Variants in NEFM observed in about 807,000 individuals in gnomAD.
The protein encoded by NEFM is neurofilament medium polypeptide.
A neutral mutation model predicts 48.1 loss-of-function variants in NEFM; 16 were observed. The observed-to-expected ratio is 0.33, with a 90% confidence interval of 0.23 to 0.51. NEFM has a LOEUF of 0.51. NEFM is among the 20% of genes least tolerant of loss of function. The probability of loss-of-function intolerance (pLI) is 0.98; values close to 1 mark genes in which losing one functional copy is unlikely to be tolerated. For missense variants in NEFM, 1,107 were observed against 1,136.0 expected, an observed-to-expected ratio of 0.97 and a Z score of 0.37; for synonymous variants, 465 against 456.9, an observed-to-expected ratio of 1.02 and a Z score of -0.23.
In NEFM at chr8:24,918,283, G is replaced by C; in HGVS notation, c.2428G>C (p.Glu810Gln). The C allele has an allele frequency of 1.2e-6, 2 of 1,607,148 alleles. No homozygotes were observed. Among genetic ancestry groups the C allele is most frequent in the East Asian group, 2.2e-5 (1 of 44,702 alleles). The change falls in exon 3 of 3, where the codon GAG (glutamate) becomes CAG (glutamine). Residue 810 changes from glutamate to glutamine, a missense_variant. Around this residue, in one of 3 missense-constraint regions of NEFM, gnomAD observed 917 missense variants for 916.4 expected, o/e 1.00. Transcript: ENST00000221166. ...TGTCAATGGGGAGGTAGAAGGAAAA[G>C]AGGAGGTAGAGCAGGAGACCAAGGA... Reference protein sequence around the residue: ...IAVNGEVEGKEEVEQETKEKG... With the variant: ...IAVNGEVEGKQEVEQETKEKG...
chr8:24,913,878 G>C lies in NEFM; in HGVS notation c.85G>C (p.Gly29Arg). Reference sequence around the variant, plus strand: ...CCGCTCGAGCTTCAGCCGCGTCAGCGGCTCCCCGTCCAGTGGCTTCCGCTC... The same window carrying C: ...CCGCTCGAGCTTCAGCCGCGTCAGCCGCTCCCCGTCCAGTGGCTTCCGCTC... ...ETRSSFSRVSGSPSSGFRSQS... is the reference protein window; with the variant it reads ...ETRSSFSRVSRSPSSGFRSQS... Residue 29 changes from glycine (G) to arginine (R), a missense_variant, in exon 1 of 3, where the codon GGC becomes CGC. Physicochemically the swap from Gly to Arg is moderately radical, Grantham distance 125 (BLOSUM62 -2). This residue lies in a region of NEFM where 186 missense variants were observed against 200.6 expected (regional missense o/e 0.93). Coordinates refer to ENST00000221166, the MANE Select transcript of NEFM (RefSeq NM_005382.2). The C allele has an allele frequency of 1.9e-6, 3 of 1,610,592 alleles. No individual in the cohort carries two copies. The highest frequency in any genetic ancestry group is 1.7e-6 in the Non-Finnish European group (2 of 1,179,070).
At position 24,915,787 on chromosome 8, in the gene NEFM, G is replaced by A. The variant is rs149916684; in HGVS notation, c.1205+58G>A. 46 of 1,612,150 alleles carry A rather than the reference G, an allele frequency of 2.9e-5. No homozygotes were observed. In the East Asian group the frequency reaches 7.1e-4, roughly 25 times the overall value. On this transcript the variant is annotated intron_variant, in intron 2 of 2. Transcript: ENST00000221166. The stretch of plus-strand genomic sequence containing the variant: ...CTAACCGCAGTGCAGAGGCTGTTCC[G>A]GCAGAGCTTCCACCACTTAAGTTAA...
At chr8:24,915,388 G>T in intron 1 of NEFM, 1 of 1,061,930 alleles carries the variant, frequency 9.4e-7, no homozygotes, top group Non-Finnish European at 1.3e-6. Context: ...CCCAGGAAGT[G>T]TCCTATTGTC....
chr8:24,918,685 G>A lies in NEFM; in HGVS notation c.*79G>A. 2.9e-6 allele frequency: 3 copies of A among 1,026,004 alleles called. No individual in the cohort carries two copies. In the South Asian group the frequency reaches 3.8e-5, roughly 13 times the overall value. 63.6% of individuals were successfully genotyped at this position (1,026,004 alleles called of 1,614,324 possible). The stretch of plus-strand genomic sequence containing the variant: ...GATTGGCAGCTTCAAAACAGAACGG[G>A]TTCTCCCATGGGGGCTCCAGACATT... On this transcript the variant is annotated 3_prime_UTR_variant, in exon 3 of 3. Transcript: ENST00000221166.
At position 24,914,682 on chromosome 8, in the gene NEFM, G is replaced by C; in HGVS notation, c.889G>C (p.Ala297Pro). ...CGAAGAGTGGTTCAAATGCCGCTAC[G>C]CCAAGCTCACCGAGGCGGCCGAGCA... ...QAEEWFKCRYAKLTEAAEQNK... is the reference protein window; with the variant it reads ...QAEEWFKCRYPKLTEAAEQNK... Residue 297 changes from alanine (A) to proline (P), a missense_variant, in exon 1 of 3, where the codon GCC (alanine) becomes CCC (proline). By Grantham distance (27) the Ala-to-Pro change is conservative. Transcript: ENST00000221166. 6.2e-7 allele frequency: 1 copy of C among 1,614,168 alleles called. No homozygotes were observed. The highest frequency in any genetic ancestry group is 1.1e-5 in the South Asian group (1 of 91,090).
chr8:24,917,341 G>C lies in NEFM; in HGVS notation c.1486G>C (p.Glu496Gln). ...EEKKEAAEEK[E>Q]EEPEAEEEEV... ...GAAGAAAGAAGCAGCAGAAGAAAAG[G>C]AAGAGGAACCCGAAGCTGAAGAAGA... Residue 496 changes from glutamate (E) to glutamine (Q), a missense_variant, in exon 3 of 3, where the codon GAA (glutamate) becomes CAA (glutamine). Transcript: ENST00000221166. The C allele has an allele frequency of 6.2e-7, 1 of 1,611,486 alleles. No homozygotes were observed.
At chr8:24,914,990 G>A (rs1052468180) in intron 1 of NEFM, 117 bp downstream of exon 1, 10 of 1,417,126 alleles carry the variant, frequency 7.1e-6, no homozygotes, top group Non-Finnish European at 8.2e-6. Flanking sequence ...GCTCGCTAGA[G>A]CACGCGCGCC....
chr8:24,917,956 C>T lies in NEFM; in HGVS notation c.2101C>T (p.Gln701Ter). The T allele has an allele frequency of 1.2e-6, 2 of 1,613,474 alleles. No homozygotes were observed. Among genetic ancestry groups the T allele is most frequent in the South Asian group, 2.2e-5 (2 of 91,012 alleles). ...KSKAEVGKGE[Q>*]KEEEEKEVKE... ...AAAAGCAGAAGTGGGGAAAGGTGAACAGAAAGAGGAAGAAGAAAAGGAAGT... is the reference window on the plus strand; with the variant it reads ...AAAAGCAGAAGTGGGGAAAGGTGAATAGAAAGAGGAAGAAGAAAAGGAAGT... Residue 701 changes from glutamine (Q) to a stop codon, truncating the protein, a stop_gained, in exon 3 of 3, where the codon CAG becomes TAG. Coordinates refer to ENST00000221166, the MANE Select transcript of NEFM (RefSeq NM_005382.2). LOFTEE classifies it low-confidence loss of function (END_TRUNC).
rs761736935 is a variant in NEFM at position 24,914,408 on chromosome 8, G to T, written c.615G>T (p.Ala205=). The T allele has an allele frequency of 6.2e-7, 1 of 1,613,572 alleles. No individual in the cohort carries two copies. Among genetic ancestry groups the T allele is most frequent in the Non-Finnish European group, 8.5e-7 (1 of 1,179,998 alleles). Residue 205 remains alanine (A), a synonymous_variant, in exon 1 of 3, where the codon GCG becomes GCT. Coordinates refer to ENST00000221166, the MANE Select transcript of NEFM (RefSeq NM_005382.2). ...LRDDTEAAIR[A]LRKDIEEASL... ...ACGACACTGAGGCGGCCATCCGCGC[G>T]CTGCGCAAAGACATCGAGGAGGCGT...
Position 24,918,971 on chromosome 8 carries a change from G to A in NEFM, c.*365G>A, listed in dbSNP as rs2117226575. On this transcript the variant is annotated 3_prime_UTR_variant, in exon 3 of 3. Coordinates refer to ENST00000221166, the MANE Select transcript of NEFM (RefSeq NM_005382.2). ...GAATAATTATGTTTACCTCACTGGTGCATTTAAAATGGACTTTTGTTCATG... is the reference window on the plus strand; with the variant it reads ...GAATAATTATGTTTACCTCACTGGTACATTTAAAATGGACTTTTGTTCATG... The A allele has an allele frequency of 7.3e-6, 2 of 275,638 alleles. No homozygotes were observed. Among genetic ancestry groups the A allele is most frequent in the South Asian group, 9.1e-5 (2 of 22,036 alleles). The allele number at this position is 275,638 out of a possible 1,614,324, so 17.1% of individuals were successfully genotyped here.
In NEFM at chr8:24,914,055, T is replaced by C. The variant is rs1802534504; in HGVS notation, c.262T>C (p.Ser88Pro). Residue 88 changes from serine to proline, a missense_variant, in exon 1 of 3, where the codon TCC (serine) becomes CCC (proline). Ser to Pro is a moderately conservative substitution (Grantham distance 74). This residue lies in a region of NEFM where 186 missense variants were observed against 200.6 expected (regional missense o/e 0.93). Transcript: ENST00000221166. The part of the protein sequence containing the change: ...SQSSSLLNGG[S>P]GPGGDYKLSR... ...GTCCTCGTCCCTGCTCAACGGCGGC[T>C]CCGGACCCGGCGGCGACTACAAGCT... is the stretch of plus-strand genomic sequence containing the variant. 6.2e-7 allele frequency: 1 copy of C among 1,612,662 alleles called. No individual in the cohort carries two copies. The highest frequency in any genetic ancestry group is 1.3e-5 in the African/African-American group (1 of 74,930).
At chr8:24,916,967 C>G in intron 2 of NEFM, 94 bp from the exon 3 acceptor site, 1 of 998,520 alleles carries the variant, frequency 1.0e-6, no homozygotes, top group Non-Finnish European at 1.6e-6. Context: ...TCTATTTATT[C>G]AAAGGTAGCT....
At position 24,914,428 on chromosome 8, in the gene NEFM, A is replaced by C; in HGVS notation, c.635A>C (p.Glu212Ala). The change falls in exon 1 of 3, where the codon GAG becomes GCG. Residue 212 changes from glutamate to alanine, a missense_variant. Coordinates refer to ENST00000221166, the MANE Select transcript of NEFM (RefSeq NM_005382.2). The part of the protein sequence containing the change: ...AIRALRKDIE[E>A]ASLVKVELDK... ...CGCGCGCTGCGCAAAGACATCGAGG[A>C]GGCGTCGCTGGTCAAGGTGGAGCTG... The C allele has an allele frequency of 1.2e-6, 2 of 1,613,712 alleles. No individual in the cohort carries two copies. The highest frequency in any genetic ancestry group is 1.7e-6 in the Non-Finnish European group (2 of 1,180,016).
chr8:24,914,765 G>C lies in NEFM; in HGVS notation c.972G>C (p.Leu324=). The change falls in exon 1 of 3, where the codon CTG becomes CTC. Residue 324 remains leucine (L), a synonymous_variant. Coordinates refer to ENST00000221166, the MANE Select transcript of NEFM (RefSeq NM_005382.2). ...AGATCGCCGAGTACCGGCGCCAGCT[G>C]CAGTCCAAGAGCATCGAGCTAGAGT... ...KEEIAEYRRQ[L]QSKSIELESV... 1 of 1,612,018 alleles carries C rather than the reference G, an allele frequency of 6.2e-7. No individual in the cohort carries two copies. The highest frequency in any genetic ancestry group is 8.5e-7 in the Non-Finnish European group (1 of 1,179,256).
At position 24,918,851 on chromosome 8, in the gene NEFM, T is replaced by A; in HGVS notation, c.*245T>A. 4.1e-6 allele frequency: 2 copies of A among 484,106 alleles called. No homozygotes were observed. Among genetic ancestry groups the A allele is most frequent in the Non-Finnish European group, 3.8e-6 (1 of 266,268 alleles). The allele number at this position is 484,106 out of a possible 1,614,324, so 30.0% of individuals were successfully genotyped here. On this transcript the variant is annotated 3_prime_UTR_variant, in exon 3 of 3. Transcript: ENST00000221166. ...CCTAAGCTGTTGGAAGGGGGTCACTTAAGGGGGGATGTCTTGAGATGTATT... is the reference window on the plus strand; with the variant it reads ...CCTAAGCTGTTGGAAGGGGGTCACTAAAGGGGGGATGTCTTGAGATGTATT...
At position 24,917,546 on chromosome 8, in the gene NEFM, G is replaced by C; in HGVS notation, c.1691G>C (p.Gly564Ala). 1 of 1,564,614 alleles carries C rather than the reference G, an allele frequency of 6.4e-7. No individual in the cohort carries two copies. Among genetic ancestry groups the C allele is most frequent in the Non-Finnish European group, 8.7e-7 (1 of 1,154,194 alleles). Residue 564 changes from glycine (G) to alanine (A), a missense_variant, in exon 3 of 3, where the codon GGT becomes GCT. Transcript: ENST00000221166. ...GAAGGCTCTAGTGAAAAAGAGGAAG[G>C]TGAGCAGGAAGAAGGAGAAACAGAA... is the stretch of plus-strand genomic sequence containing the variant. ...EKEGSSEKEE[G>A]EQEEGETEAE...
At position 24,913,776 on chromosome 8, in the gene NEFM, C is replaced by A. The variant is rs1563241599; in HGVS notation, c.-18C>A. The stretch of plus-strand genomic sequence containing the variant: ...CCGGCAGAACGCTGTGACAGCCACA[C>A]GCCCCAAGGCCTCCAAGATGAGCTA... On this transcript the variant is annotated 5_prime_UTR_variant, in exon 1 of 3. Coordinates refer to ENST00000221166, the MANE Select transcript of NEFM (RefSeq NM_005382.2). 8 of 1,598,790 alleles carry A rather than the reference C, an allele frequency of 5.0e-6. No homozygotes were observed. The highest frequency in any genetic ancestry group is 6.0e-6 in the Non-Finnish European group (7 of 1,173,604).
Position 24,918,513 on chromosome 8 carries a change from T to C in NEFM, c.2658T>C (p.His886=). The C allele has an allele frequency of 3.1e-6, 5 of 1,613,988 alleles. No individual in the cohort carries two copies. Among genetic ancestry groups the C allele is most frequent in the Non-Finnish European group, 4.2e-6 (5 of 1,179,992 alleles). Residue 886 remains histidine, a synonymous_variant, in exon 3 of 3, where the codon CAT becomes CAC. Transcript: ENST00000221166. ...SVTVTQKVEE[H]EETFEEKLVS... is the part of the protein sequence containing the mutation. ...CCGTCACTCAAAAGGTTGAAGAGCA[T>C]GAAGAGACCTTTGAGGAGAAACTAG...
Position 24,917,965 on chromosome 8 carries a change from G to A in NEFM, c.2110G>A (p.Glu704Lys), listed in dbSNP as rs1438705456. Reference protein sequence around the residue: ...AEVGKGEQKEEEEKEVKEAPK... With the variant: ...AEVGKGEQKEKEEKEVKEAPK... ...AGTGGGGAAAGGTGAACAGAAAGAGGAAGAAGAAAAGGAAGTCAAGGAAGC... is the reference window on the plus strand; with the variant it reads ...AGTGGGGAAAGGTGAACAGAAAGAGAAAGAAGAAAAGGAAGTCAAGGAAGC... The change falls in exon 3 of 3, where the codon GAA becomes AAA. Residue 704 changes from glutamate (E) to lysine (K), a missense_variant. By Grantham distance (56) the Glu-to-Lys change is moderately conservative. This residue lies in a region of NEFM where 917 missense variants were observed against 916.4 expected (regional missense o/e 1.00). Transcript: ENST00000221166. 12 of 1,613,352 alleles carry A rather than the reference G, an allele frequency of 7.4e-6. No individual in the cohort carries two copies. The South Asian group carries it at 1.1e-4, about 15-fold the overall frequency.
Sources: gnomAD v4.1 joint callset for allele counts on GRCh38, gnomAD v4.1.1 for gene constraint, gnomAD v4.1.1 regional missense constraint, MANE v1.5 for transcripts, NCBI Gene and HGNC (gene_info 2026-07-23, HGNC 2026-07-21) for gene names.